HMGXB3: variants seen among roughly 807,000 people sequenced by gnomAD.
HMGXB3 encodes the protein HMG-box containing 3, also known as HMG domain-containing protein 3.
A neutral mutation model predicts 121.5 loss-of-function variants in HMGXB3; 45 were observed. The observed-to-expected ratio is 0.37, with a 90% CI of 0.29 to 0.47. The LOEUF is 0.47. Among genes scored for constraint, HMGXB3 ranks in the 20% least tolerant of loss-of-function variants. The probability of loss-of-function intolerance (pLI) is 0.99; values close to 1 mark genes in which losing one functional copy is unlikely to be tolerated. For synonymous variants in HMGXB3, 590 were observed against 624.1 expected (o/e 0.95, Z 0.81); for missense variants, 1,376 against 1,602.2 (o/e 0.86, Z 2.41).
chr5:150,011,628 G>C (rs1309509564), intron 4 of HMGXB3, among the ~76,000 whole-genome samples: 3 of 147,492 alleles, frequency 2.0e-5, no homozygotes, highest in Admixed American at 1.3e-4. Context: ...TTTTGAGACG[G>C]AGTTTTGCTC....
chr5:150,002,521 T>C (rs1419891776), intron 1 of HMGXB3, among the ~76,000 whole-genome samples: 1 of 152,238 alleles, frequency 6.6e-6, no homozygotes, highest in Non-Finnish European at 1.5e-5. Context: ...CACAACTGCC[T>C]CTTCCCAGAA....
chr5:150,014,892 A>G (rs78617506), intron 5 of HMGXB3: 24,316 of 727,722 alleles, frequency 0.033, 593 homozygotes, highest in Non-Finnish European at 0.039. Flanking sequence ...TCTGGAACCA[A>G]TGTTTCTTCA....
chr5:150,048,670 G>C lies in HMGXB3; in HGVS notation c.3186G>C (p.Lys1062Asn). The C allele has an allele frequency of 6.5e-7, 1 of 1,549,400 alleles. No individual in the cohort carries two copies. Among genetic ancestry groups the C allele is most frequent in the Non-Finnish European group, 8.7e-7 (1 of 1,144,850 alleles). The change falls in exon 18 of 20, where the codon AAG becomes AAC. Residue 1062 changes from lysine (K) to asparagine (N), a missense_variant. Coordinates refer to ENST00000502717, the MANE Select transcript of HMGXB3 (RefSeq NM_014983.3). ...PRHFTGGKIY[K>N]VCPHQVVCGS... ...ACTTCACAGGTGGTAAAATCTACAAGGTGTGCCCCCATCAGGTAAGAAAAT... is the reference window on the plus strand; with the variant it reads ...ACTTCACAGGTGGTAAAATCTACAACGTGTGCCCCCATCAGGTAAGAAAAT...
intron 16 of HMGXB3, among the ~76,000 whole-genome samples, chr5:150,046,207 T>G (rs1469885998): frequency 6.6e-6 from 1 of 152,192 alleles, no homozygotes; most frequent in East Asian, 1.9e-4. Context: ...CACTGTTGCT[T>G]CTTTTACAAA....
Position 150,051,928 on chromosome 5 carries a change from C to T in HMGXB3, c.3615C>T (p.Ala1205=). 1.9e-6 allele frequency: 3 copies of T among 1,552,278 alleles called. No individual in the cohort carries two copies. Among genetic ancestry groups the T allele is most frequent in the Non-Finnish European group, 2.6e-6 (3 of 1,147,142 alleles). ...TGGCACCTTACGCAACCATCCTGGC[C>T]TCCATCGTGGACAGCAAACCAAACG... is the stretch of plus-strand genomic sequence containing the variant. ...PELAPYATIL[A]SIVDSKPNGV... The change falls in exon 20 of 20, where the codon GCC becomes GCT. Residue 1205 remains alanine, a synonymous_variant. Coordinates refer to ENST00000502717, the MANE Select transcript of HMGXB3 (RefSeq NM_014983.3).
chr5:150,035,401 C>T (rs966291235), intron 11 of HMGXB3, among the ~76,000 whole-genome samples: 2 of 152,168 alleles, frequency 1.3e-5, no homozygotes, highest in Non-Finnish European at 2.9e-5. Context: ...CATGAGGGAT[C>T]TGCCCCCCTG....
In HMGXB3 at chr5:150,036,929, G is replaced by A; in HGVS notation, c.2277G>A (p.Gly759=). The part of the protein sequence containing the change: ...CLLCSSPLFK[G]GQNSLAGPQE... The stretch of plus-strand genomic sequence containing the variant: ...TCTGTAGCAGCCCATTATTCAAAGG[G>A]GGACAAAAGTAAGCACCCCTTAACT... Residue 759 remains glycine, a synonymous_variant, in exon 12 of 20, where the codon GGG becomes GGA. Coordinates refer to ENST00000502717, the MANE Select transcript of HMGXB3 (RefSeq NM_014983.3). 1 of 1,550,202 alleles carries A rather than the reference G, an allele frequency of 6.5e-7. No individual in the cohort carries two copies. Among genetic ancestry groups the A allele is most frequent in the South Asian group, 1.2e-5 (1 of 83,772 alleles).
intron 6 of HMGXB3, among the ~76,000 whole-genome samples, chr5:150,020,623 C>T (rs1005306531): frequency 6.6e-6 from 1 of 151,612 alleles, no homozygotes; most frequent in African/African-American, 2.4e-5. Flanking sequence ...GAGTCTCTTG[C>T]TATGTTGCCT....
At chr5:150,006,288 A>C (rs1245336501) in intron 2 of HMGXB3, among the ~76,000 whole-genome samples, 185 bp from the exon 3 acceptor site, 1 of 152,192 alleles carries the variant, frequency 6.6e-6, no homozygotes, top group Non-Finnish European at 1.5e-5. Context: ...TTCAGTCCCT[A>C]TTTAGATAAA....
rs576710755 is a variant in HMGXB3, at chr5:150,034,761, G to A, written c.1984-1875G>A. Among the ~76,000 whole-genome samples the A allele has an allele frequency of 1.7e-4, 26 of 152,290 alleles. No individual in the cohort carries two copies. The South Asian group carries it at 2.5e-3, about 15-fold the overall frequency. ...GTGTGTTGTCATTTGGAGCCCCCTG[G>A]TAGCCAGATGTTTTCACATCTCTGA... On this transcript the variant is annotated intron_variant, in intron 11 of 19. Coordinates refer to ENST00000502717, the MANE Select transcript of HMGXB3 (RefSeq NM_014983.3).
chr5:150,032,579 G>A lies in HMGXB3; in HGVS notation c.1959G>A (p.Arg653=). The A allele has an allele frequency of 6.4e-7, 1 of 1,552,284 alleles. No individual in the cohort carries two copies. Residue 653 remains arginine, a synonymous_variant, in exon 11 of 20, where the codon CGG becomes CGA. Transcript: ENST00000502717. The part of the protein sequence containing the change: ...PSCGVNLAKD[R]TEKTTKAIEV... Reference sequence around the variant, plus strand: ...GTGGTGTTAACCTTGCCAAAGACCGGACTGAGAAAACCACCAAGGCTATCG... The same window carrying A: ...GTGGTGTTAACCTTGCCAAAGACCGAACTGAGAAAACCACCAAGGCTATCG...
intron 5 of HMGXB3, among the ~76,000 whole-genome samples, chr5:150,017,340 G>A (rs73798347): frequency 6.6e-6 from 1 of 152,334 alleles, no homozygotes; most frequent in African/African-American, 2.4e-5. Flanking sequence ...GATCAGAGAT[G>A]TTTTATATTC....
At chr5:150,035,409 C>A (rs184081366) in intron 11 of HMGXB3, among the ~76,000 whole-genome samples, 20 of 152,198 alleles carry the variant, frequency 1.3e-4, no homozygotes, top group Non-Finnish European at 2.8e-4. Context: ...ATCTGCCCCC[C>A]TGACCCAAGT....
At chr5:150,005,813 A>G (rs1254274236) in intron 2 of HMGXB3, among the ~76,000 whole-genome samples, 1 of 152,144 alleles carries the variant, frequency 6.6e-6, no homozygotes, top group Non-Finnish European at 1.5e-5. Flanking sequence ...GTTGGTGACC[A>G]AAGGCTGCGT....
chr5:150,042,818 T>C (rs1756668974), intron 15 of HMGXB3, among the ~76,000 whole-genome samples: 1 of 152,194 alleles, frequency 6.6e-6, no homozygotes, highest in Non-Finnish European at 1.5e-5. Flanking sequence ...CTTCATAGAT[T>C]AATTAGAACA....
intron 13 of HMGXB3, among the ~76,000 whole-genome samples, chr5:150,039,200 T>C (rs1226955003): frequency 6.6e-6 from 1 of 152,232 alleles, no homozygotes; most frequent in African/African-American, 2.4e-5. Flanking sequence ...TGAATTTTAA[T>C]TGGATTGTGT....
intron 9 of HMGXB3, among the ~76,000 whole-genome samples, chr5:150,028,060 GCA>G (rs1287027323): frequency 1.3e-5 from 2 of 152,146 alleles, no homozygotes; most frequent in African/African-American, 4.8e-5. Context: ...GGTGGTCAGA[GCA>G]CAGTTTGGTT....
At position 150,030,853 on chromosome 5, in the gene HMGXB3, T is replaced by C; in HGVS notation, c.1833+14T>C. ...ACTGTCACATTGGTAAGTATGCAGCTAGGTGGTGGTGGGTTGACATGGAGG... is the reference window on the plus strand; with the variant it reads ...ACTGTCACATTGGTAAGTATGCAGCCAGGTGGTGGTGGGTTGACATGGAGG... On this transcript the variant is annotated intron_variant, in intron 10 of 19. Transcript: ENST00000502717. 6.5e-7 allele frequency: 1 copy of C among 1,537,058 alleles called. No individual in the cohort carries two copies. Among genetic ancestry groups the C allele is most frequent in the Non-Finnish European group, 8.8e-7 (1 of 1,133,602 alleles).
intron 3 of HMGXB3, among the ~76,000 whole-genome samples, chr5:150,008,861 G>C (rs911887933): frequency 6.6e-6 from 1 of 152,126 alleles, no homozygotes; most frequent in African/African-American, 2.4e-5. Flanking sequence ...TCCAATAAAG[G>C]CTCCATAAAA....
Sources: gnomAD v4.1 joint callset for allele counts (sites outside exome capture counted in the v4.1 genomes callset) on GRCh38, gnomAD v4.1.1 for gene constraint, MANE v1.5 for transcripts, NCBI Gene and HGNC (gene_info 2026-07-23, HGNC 2026-07-21) for gene names.